The following BCAR1 variants were observed in gnomAD, a reference collection of about 807,000 sequenced individuals.
BCAR1 encodes the protein BCAR1 scaffold protein, Cas family member.
BCAR1 carries 30 observed loss-of-function variants against 67.6 expected under a neutral mutation model. That is an observed-to-expected ratio of 0.44 (90% CI 0.33 to 0.60). BCAR1 has a LOEUF of 0.60. Among genes scored for constraint, BCAR1 ranks in the 20% least tolerant of loss-of-function variants. The pLI, the probability that BCAR1 is intolerant of heterozygous loss-of-function variation, is 0.02. For synonymous variants in BCAR1, 626 were observed against 556.7 expected, an observed-to-expected ratio of 1.12 and a Z score of -1.75; for missense variants, 1,313 against 1,222.3, an observed-to-expected ratio of 1.07 and a Z score of -1.11.
intron 1 of BCAR1, chr16:75,250,854 C>A: frequency 3.0e-6 from 3 of 985,518 alleles, no homozygotes; most frequent in Non-Finnish European, 3.6e-6. Flanking sequence ...CTTCCACCGG[C>A]GCTCGGCGTG....
At chr16:75,233,273 T>A (rs10221003) in intron 6 of BCAR1, among the ~76,000 whole-genome samples, 1 of 151,788 alleles carries the variant, frequency 6.6e-6, no homozygotes, top group African/African-American at 2.4e-5. Context: ...CTGGGGAGGC[T>A]GAGGCAGGAG....
upstream of BCAR1, chr16:75,252,415 G>C: frequency 2.1e-6 from 3 of 1,453,026 alleles, no homozygotes; most frequent in Non-Finnish European, 2.7e-6. Flanking sequence ...GAATGAGGGA[G>C]ATAGAAGGAA....
In BCAR1 at chr16:75,235,062, G is replaced by C; in HGVS notation, c.1837C>G (p.Pro613Ala). Reference sequence around the variant, plus strand: ...AGGGTGCCACCCCCCTCAGGCCCCGGGGCAGTGGCCTTGGTCCGTCTGAAG... The same window carrying C: ...AGGGTGCCACCCCCCTCAGGCCCCGCGGCAGTGGCCTTGGTCCGTCTGAAG... ...LLFRRTKATA[P>A]GPEGGGTLHP... The change falls in exon 5 of 7, where the codon CCG becomes GCG. Residue 613 changes from proline to alanine, a missense_variant. Pro to Ala is a conservative substitution (Grantham distance 27). Around this residue, in one of 2 missense-constraint regions of BCAR1, gnomAD observed 1,272 missense variants for 1,137.5 expected, o/e 1.12. Transcript: ENST00000162330. The C allele has an allele frequency of 6.2e-7, 1 of 1,613,134 alleles. No individual in the cohort carries two copies. Among genetic ancestry groups the C allele is most frequent in the Non-Finnish European group, 8.5e-7 (1 of 1,180,022 alleles).
At chr16:75,232,407 G>A (rs553804502) in intron 6 of BCAR1, among the ~76,000 whole-genome samples, 71 of 152,242 alleles carry the variant, frequency 4.7e-4, no homozygotes, top group Middle Eastern at 3.4e-3. Flanking sequence ...TGATCTGCCC[G>A]CCTTGGCCTC....
At chr16:75,246,200 G>A (rs1173550499) in intron 1 of BCAR1, 1 of 151,978 alleles carries the variant, frequency 6.6e-6, no homozygotes, top group Non-Finnish European at 1.5e-5. Flanking sequence ...CAAACTCTTG[G>A]GCTCAAGTGA....
chr16:75,251,351 A>G (rs757986735), intron 1 of BCAR1, 120 bp downstream of exon 1: 1 of 1,337,256 alleles, frequency 7.5e-7, no homozygotes. Flanking sequence ...AGGGCCGCGG[A>G]CCCCGGCCGG....
intron 1 of BCAR1, chr16:75,266,746 T>C: frequency 2.7e-6 from 4 of 1,461,314 alleles, no homozygotes; most frequent in Non-Finnish European, 3.6e-6. Context: ...GTCCGACCCC[T>C]CTGTTCTGCT....
chr16:75,261,899 G>A (rs1378714877), intron 1 of BCAR1, among the ~76,000 whole-genome samples: 1 of 152,210 alleles, frequency 6.6e-6, no homozygotes, highest in Non-Finnish European at 1.5e-5. Flanking sequence ...GCCACATGAA[G>A]ACAATAATCT....
chr16:75,265,057 GC>G (rs1280855019), intron 1 of BCAR1: 1 of 152,420 alleles, frequency 6.6e-6, no homozygotes, highest in Non-Finnish European at 1.5e-5. Flanking sequence ...AGATGCCAGT[GC>G]CCAAGTGTGG....
chr16:75,251,955 G>A, upstream of BCAR1: 4 of 576,314 alleles, frequency 6.9e-6, no homozygotes, highest in Non-Finnish European at 9.1e-6. Context: ...AGGCTGCCCG[G>A]TTTGCCTTCT....
In BCAR1 at chr16:75,235,781, T is replaced by G. The variant is rs1329002483; in HGVS notation, c.1118A>C (p.Asp373Ala). The change falls in exon 5 of 7, where the codon GAC (aspartate) becomes GCC (alanine). Residue 373 changes from aspartate (D) to alanine (A), a missense_variant. Transcript: ENST00000162330. ...AGGCCGCCGCAAGCCAGGGGGCACG[T>G]CGTAGAGGTCAGGAGCCGGGGGCGG... ...DVPPPAPDLY[D>A]VPPGLRRPGP... 1.1e-5 allele frequency: 18 copies of G among 1,593,868 alleles called. No homozygotes were observed. Among genetic ancestry groups the G allele is most frequent in the Non-Finnish European group, 1.5e-5 (18 of 1,169,238 alleles).
At position 75,229,577 on chromosome 16, in the gene BCAR1, C is replaced by A. The variant is rs1423381150; in HGVS notation, c.2547G>T (p.Arg849Ser). 1 of 1,610,230 alleles carries A rather than the reference C, an allele frequency of 6.2e-7. No individual in the cohort carries two copies. Among genetic ancestry groups the A allele is most frequent in the East Asian group, 2.2e-5 (1 of 44,804 alleles). The change falls in exon 7 of 7, where the codon AGG becomes AGT. Residue 849 changes from arginine to serine, a missense_variant. Around this residue, in one of 2 missense-constraint regions of BCAR1, gnomAD observed 1,272 missense variants for 1,137.5 expected, o/e 1.12. Transcript: ENST00000162330. Reference protein sequence around the residue: ...SPSAAQDMVERVKELGHSTQQ... With the variant: ...SPSAAQDMVESVKELGHSTQQ... ...GGGTGCTGTGGCCCAGCTCCTTGAC[C>A]CTCTCCACCATGTCCTGGGCCGCGG... is the stretch of plus-strand genomic sequence containing the variant.
At chr16:75,239,161 G>A (rs1016875528) in intron 2 of BCAR1, 3 of 960,474 alleles carry the variant, frequency 3.1e-6, no homozygotes, top group East Asian at 2.3e-4. Flanking sequence ...CTCTTTAGGG[G>A]AATGACTCAG....
Position 75,242,458 on chromosome 16 carries a change from G to C in BCAR1, c.633+12C>G. On this transcript the variant is annotated intron_variant, in intron 2 of 6. Transcript: ENST00000162330. ...CCTGTGTGGCTGCACAACTGTGCCA[G>C]GACAGCCTTACCTTTGCCGGGGGCT... The C allele has an allele frequency of 1.4e-6, 2 of 1,439,234 alleles. No homozygotes were observed. Among genetic ancestry groups the C allele is most frequent in the South Asian group, 1.7e-5 (1 of 57,388 alleles). The allele number at this position is 1,439,234 out of a possible 1,614,324, so 89.2% of individuals were successfully genotyped here. A position where few individuals can be genotyped will look rare whatever the true frequency, so the allele number is the denominator to read the frequency against.
intron 1 of BCAR1, chr16:75,245,961 G>GTTGTTTTTTTT (rs1405738465): frequency 3.7e-5 from 1 of 27,006 alleles, no homozygotes; most frequent in Non-Finnish European, 8.9e-5. Context: ...TCATAGGATT[G>GTTGTTTTTTTT]TTCTTTTTTT....
At chr16:75,241,514 C>T (rs1424642196) in intron 2 of BCAR1, among the ~76,000 whole-genome samples, 1 of 152,162 alleles carries the variant, frequency 6.6e-6, no homozygotes, top group East Asian at 1.9e-4. Flanking sequence ...GCACCCCCAC[C>T]CAGGCACCCC....
chr16:75,244,264 A>G (rs1339696254), intron 1 of BCAR1, among the ~76,000 whole-genome samples: 2 of 152,248 alleles, frequency 1.3e-5, no homozygotes, highest in Non-Finnish European at 2.9e-5. Context: ...GGTTCTGGCC[A>G]GCCAGTAGCT....
chr16:75,233,051 C>T (rs569651342), intron 6 of BCAR1, among the ~76,000 whole-genome samples: 1 of 152,270 alleles, frequency 6.6e-6, no homozygotes, highest in Admixed American at 6.5e-5. Context: ...ATTCTATTAA[C>T]ATGTCTGCAT....
chr16:75,254,327 G>A (rs2077735350), upstream of BCAR1, among the ~76,000 whole-genome samples: 1 of 152,162 alleles, frequency 6.6e-6, no homozygotes, highest in African/African-American at 2.4e-5. Flanking sequence ...AGGCAACTGA[G>A]ACCTAAGCAC....
Sources: allele counts gnomAD v4.1 joint callset (sites outside exome capture counted in the v4.1 genomes callset), GRCh38; gene constraint gnomAD v4.1.1; regional missense constraint gnomAD v4.1.1; transcripts MANE v1.5; gene names NCBI Gene and HGNC (gene_info 2026-07-23, HGNC 2026-07-21).